PRKG1: variants seen among roughly 807,000 people sequenced by gnomAD.
PRKG1 encodes the protein cGMP-dependent protein kinase 1.
Under a neutral mutation model 88.1 loss-of-function variants are expected in PRKG1, and 35 were observed. The ratio of observed to expected loss-of-function variants is 0.40; its 90% confidence interval spans 0.30 to 0.53. PRKG1 has a LOEUF of 0.53. Among genes scored for constraint, PRKG1 ranks in the 20% least tolerant of loss-of-function variants. The probability of loss-of-function intolerance (pLI) is 0.59; values close to 1 mark genes in which losing one functional copy is unlikely to be tolerated. For missense variants in PRKG1, 540 were observed against 839.8 expected (o/e 0.64, Z 4.41); for synonymous variants, 303 against 292.5 (o/e 1.04, Z -0.37).
intron 7 of PRKG1, among the ~76,000 whole-genome samples, chr10:52,118,257 CTGTT>C (rs2132605192): frequency 6.6e-6 from 1 of 152,080 alleles, no homozygotes; most frequent in African/African-American, 2.4e-5. Flanking sequence ...TGTGAACTGA[CTGTT>C]CATGTCTTTT....
At chr10:51,560,112 T>C (rs1162624129) in intron 3 of PRKG1, among the ~76,000 whole-genome samples, 1 of 152,134 alleles carries the variant, frequency 6.6e-6, no homozygotes, top group Non-Finnish European at 1.5e-5. Flanking sequence ...GAGCCTTCCA[T>C]ATTATGTTCA....
intron 3 of PRKG1, among the ~76,000 whole-genome samples, chr10:51,745,404 C>T (rs1043627967): frequency 3.9e-5 from 6 of 151,978 alleles, no homozygotes; most frequent in African/African-American, 1.5e-4. Context: ...GTACCTTCTA[C>T]CCATGATGTT....
chr10:52,165,551 T>C (rs776606252), intron 9 of PRKG1, among the ~76,000 whole-genome samples: 19 of 152,198 alleles, frequency 1.2e-4, no homozygotes, highest in African/African-American at 4.1e-4. Context: ...AGAAAGACAA[T>C]GTTAATTTGG....
In PRKG1 at chr10:52,295,835, G is replaced by T. The variant is rs1001289320; in HGVS notation, c.*1935G>T. 5 of 151,846 alleles carry T rather than the reference G, an allele frequency of 3.3e-5. No individual in the cohort carries two copies. Among genetic ancestry groups the T allele is most frequent in the African/African-American group, 9.7e-5 (4 of 41,388 alleles). 9.4% of individuals were successfully genotyped at this position (151,846 alleles called of 1,614,324 possible). On this transcript the variant is annotated 3_prime_UTR_variant, in exon 18 of 18. Coordinates refer to ENST00000373980, the MANE Select transcript of PRKG1 (RefSeq NM_006258.4). ...TTCTTAAAATTTTGGAGGATAAAAT[G>T]AAAAGGGTATAAACTTCAATTAGAA...
chr10:51,000,066 A>G (rs564567846), intron 1 of PRKG1, among the ~76,000 whole-genome samples: 2 of 152,370 alleles, frequency 1.3e-5, no homozygotes, highest in South Asian at 4.2e-4. Flanking sequence ...CTCTCAGAGA[A>G]AAATATCACT....
At chr10:51,685,776 A>C (rs905430473) in intron 3 of PRKG1, among the ~76,000 whole-genome samples, 2 of 152,156 alleles carry the variant, frequency 1.3e-5, no homozygotes, top group African/African-American at 4.8e-5. Context: ...GCTTGGGGTG[A>C]CCAGCCATGA....
At chr10:51,011,727 C>T (rs923462799) in intron 1 of PRKG1, among the ~76,000 whole-genome samples, 43 of 152,170 alleles carry the variant, frequency 2.8e-4, no homozygotes, top group African/African-American at 9.9e-4. Context: ...GAAAATGTGC[C>T]ATTCTTGCCT....
At chr10:51,736,943 C>A (rs1253147668) in intron 3 of PRKG1, among the ~76,000 whole-genome samples, 1 of 152,020 alleles carries the variant, frequency 6.6e-6, no homozygotes, top group Non-Finnish European at 1.5e-5. Flanking sequence ...GCCCATAAAT[C>A]CATCTTACTT....
chr10:51,310,598 T>C (rs1245241538), intron 2 of PRKG1, among the ~76,000 whole-genome samples: 1 of 152,182 alleles, frequency 6.6e-6, no homozygotes, highest in East Asian at 1.9e-4. Context: ...ACTATACCCA[T>C]ATTTTTATTT....
intron 1 of PRKG1, among the ~76,000 whole-genome samples, chr10:51,140,642 G>A (rs73335811): frequency 0.045 from 6,812 of 152,262 alleles, 491 homozygotes; most frequent in African/African-American, 0.15. Context: ...GCTGTCTTCT[G>A]TGTAGCTCTC....
At chr10:51,111,462 A>C (rs1392814974) in intron 1 of PRKG1, among the ~76,000 whole-genome samples, 6 of 152,046 alleles carry the variant, frequency 3.9e-5, no homozygotes, top group Admixed American at 3.9e-4. Flanking sequence ...CTTTGGAGCT[A>C]TTTGTAGGAT....
chr10:51,599,647 G>A (rs1230039166), intron 3 of PRKG1, among the ~76,000 whole-genome samples: 1 of 152,052 alleles, frequency 6.6e-6, no homozygotes, highest in East Asian at 1.9e-4. Context: ...CAGAATACCA[G>A]TCCTGATTAA....
intron 4 of PRKG1, among the ~76,000 whole-genome samples, chr10:51,879,768 A>G (rs978166755): frequency 1.3e-5 from 2 of 149,150 alleles, no homozygotes; most frequent in East Asian, 3.9e-4. Context: ...AGGGAAGTCA[A>G]CTGCAGTTTT....
intron 3 of PRKG1, among the ~76,000 whole-genome samples, chr10:51,737,762 A>G (rs1242264516): frequency 1.1e-5 from 1 of 89,864 alleles, no homozygotes; most frequent in Non-Finnish European, 2.5e-5. Context: ...TATTATTATT[A>G]TTATTATTAT....
intron 1 of PRKG1, among the ~76,000 whole-genome samples, chr10:51,145,804 GAC>G (rs1231735939): frequency 6.6e-6 from 1 of 152,154 alleles, no homozygotes; most frequent in Non-Finnish European, 1.5e-5. Context: ...CCTAGTCAAT[GAC>G]AATGAGGTGA....
chr10:51,482,170 C>G (rs1339990309), intron 3 of PRKG1, among the ~76,000 whole-genome samples: 4 of 152,296 alleles, frequency 2.6e-5, no homozygotes, highest in African/African-American at 9.6e-5. Context: ...CCTCCACAGA[C>G]TGGGGAATAA....
At chr10:51,699,294 C>T in intron 3 of PRKG1, 1 of 1,614,134 alleles carries the variant, frequency 6.2e-7, no homozygotes, top group Non-Finnish European at 8.5e-7. Context: ...ACCCGAAGCG[C>T]TCTCCCACTG....
At chr10:51,776,045 C>T (rs1035202175) in intron 3 of PRKG1, among the ~76,000 whole-genome samples, 4 of 152,074 alleles carry the variant, frequency 2.6e-5, no homozygotes, top group East Asian at 3.9e-4. Flanking sequence ...CTTTCTCAGT[C>T]GGTTTCCCCA....
intron 3 of PRKG1, among the ~76,000 whole-genome samples, chr10:51,748,333 T>A (rs1237263035): frequency 6.6e-6 from 1 of 152,224 alleles, no homozygotes; most frequent in Non-Finnish European, 1.5e-5. Flanking sequence ...GCCTGTTGTG[T>A]AGGCCTGCCT....
Sources: gnomAD v4.1 joint callset for allele counts (sites outside exome capture counted in the v4.1 genomes callset) on GRCh38, gnomAD v4.1.1 for gene constraint, MANE v1.5 for transcripts, NCBI Gene and HGNC (gene_info 2026-07-23, HGNC 2026-07-21) for gene names.